C9orf57: variants seen among roughly 807,000 people sequenced by gnomAD.
C9orf57 encodes the protein uncharacterized protein C9orf57.
A neutral mutation model predicts 12.9 loss-of-function variants in C9orf57; 12 were observed. The observed-to-expected ratio is 0.93, with a 90% confidence interval of 0.60 to 1.51. The LOEUF is 1.51. Ranked by LOEUF, C9orf57 falls within the 40% of genes most tolerant of loss-of-function variation. The probability of loss-of-function intolerance (pLI) is 0.00; values close to 1 mark genes in which losing one functional copy is unlikely to be tolerated. For synonymous variants in C9orf57, 49 were observed against 57.1 expected (o/e 0.86, Z 0.64); for missense variants, 141 against 162.8 (o/e 0.87, Z 0.73).
At chr9:72,056,314 ATGTTATATATATATTTT>A (rs1202610555) in intron 3 of C9orf57, 118 bp from the exon 4 acceptor site, 1 of 397,726 alleles carries the variant, frequency 2.5e-6, no homozygotes, top group Non-Finnish European at 3.8e-6. Flanking sequence ...ATATATATTT[ATGTTATATATATATTTT>A]ATGTTATATA....
chr9:72,057,484 C>T (rs1824232986), intron 2 of C9orf57, among the ~76,000 whole-genome samples: 1 of 152,138 alleles, frequency 6.6e-6, no homozygotes, highest in East Asian at 1.9e-4. Context: ...CCTCGGCCTC[C>T]CAGAGTGCTG....
At chr9:72,056,899 A>G in intron 2 of C9orf57, 56 bp from the exon 3 acceptor site, 1 of 1,365,770 alleles carries the variant, frequency 7.3e-7, no homozygotes, top group Non-Finnish European at 1.0e-6. Flanking sequence ...AAATGTATAC[A>G]TATATATGTA....
intron 4 of C9orf57, among the ~76,000 whole-genome samples, chr9:72,053,215 C>T (rs1824116505): frequency 6.6e-6 from 1 of 152,120 alleles, no homozygotes; most frequent in South Asian, 2.1e-4. Context: ...TGCTGCTGTA[C>T]ATCCTACAAT....
rs577103919 is a variant in C9orf57, at chr9:72,052,441, G to A, written c.281-6C>T. On this transcript the variant is annotated splice_polypyrimidine_tract_variant and splice_region_variant and intron_variant, in intron 4 of 4. Coordinates refer to ENST00000651200, the MANE Select transcript of C9orf57 (RefSeq NM_001128618.2). ...TGAATACCATTGAATGCCACCTGAC[G>A]GAGAGAAAAGAGGTAAGGAAATTTC... 2.3e-5 allele frequency: 35 copies of A among 1,550,850 alleles called. No individual in the cohort carries two copies. Among genetic ancestry groups the A allele is most frequent in the Non-Finnish European group, 3.0e-5 (34 of 1,146,508 alleles).
At chr9:72,056,245 G>C (rs978339259) in intron 3 of C9orf57, 49 bp from the exon 4 acceptor site, 2 of 1,483,586 alleles carry the variant, frequency 1.3e-6, no homozygotes, top group African/African-American at 2.8e-5. Context: ...AGATACGAGA[G>C]AGAAAACGAG....
intron 2 of C9orf57, among the ~76,000 whole-genome samples, chr9:72,058,618 C>T (rs934314563): frequency 6.6e-6 from 1 of 152,218 alleles, no homozygotes; most frequent in Admixed American, 6.5e-5. Context: ...ATGATGACCA[C>T]TGCCATGTCA....
intron 4 of C9orf57, 120 bp from the exon 5 acceptor site, chr9:72,052,555 GCATTTCCAC>G: frequency 1.1e-6 from 1 of 886,836 alleles, no homozygotes; most frequent in Non-Finnish European, 1.7e-6. Context: ...TACGAATCTA[GCATTTCCAC>G]CATTAAGAAT....
rs1436554664 is a variant in C9orf57 at position 72,056,206 on chromosome 9, C to T, written c.158-10G>A. The stretch of plus-strand genomic sequence containing the variant: ...ATCAAACCTCCAACATCTCCAAGTA[C>T]AGGGGCAGAAAAATGAGAAAGTAGT... On this transcript the variant is annotated splice_polypyrimidine_tract_variant and intron_variant, in intron 3 of 4. Transcript: ENST00000651200. 1.9e-6 allele frequency: 3 copies of T among 1,543,412 alleles called. No individual in the cohort carries two copies. Among genetic ancestry groups the T allele is most frequent in the Admixed American group, 3.9e-5 (2 of 50,768 alleles).
chr9:72,052,240 A>G lies in C9orf57; in HGVS notation c.*56T>C. Reference sequence around the variant, plus strand: ...CAATAGCCATCATTTTGTGATAGCCAGGTCAGGCTTCGAGACTGATTGATC... The same window carrying G: ...CAATAGCCATCATTTTGTGATAGCCGGGTCAGGCTTCGAGACTGATTGATC... On this transcript the variant is annotated 3_prime_UTR_variant, in exon 5 of 5. Coordinates refer to ENST00000651200, the MANE Select transcript of C9orf57 (RefSeq NM_001128618.2). The G allele has an allele frequency of 6.5e-7, 1 of 1,529,788 alleles. No homozygotes were observed. The highest frequency in any genetic ancestry group is 8.8e-7 in the Non-Finnish European group (1 of 1,134,488). 94.8% of individuals were successfully genotyped at this position (1,529,788 alleles called of 1,614,324 possible). A position where few individuals can be genotyped will look rare whatever the true frequency, so the allele number is the denominator to read the frequency against.
Position 72,056,342 on chromosome 9 carries a change from T to C in C9orf57, c.158-146A>G, listed in dbSNP as rs550301384. 2.4e-5 allele frequency: 8 copies of C among 340,140 alleles called. No homozygotes were observed. In the East Asian group the frequency reaches 5.0e-4, roughly 21 times the overall value. 21.1% of individuals were successfully genotyped at this position (340,140 alleles called of 1,614,324 possible). On this transcript the variant is annotated intron_variant, in intron 3 of 4. Transcript: ENST00000651200. ...TTATATATATATTTTATGTTATATA[T>C]ATTAAATATATATATTTTATTTTTT...
In C9orf57 at chr9:72,060,603, A is replaced by G. The variant is rs1445234360; in HGVS notation, c.-160T>C. The G allele has an allele frequency of 1.3e-6, 2 of 1,509,960 alleles. No individual in the cohort carries two copies. The highest frequency in any genetic ancestry group is 2.8e-5 in the African/African-American group (2 of 71,906). 93.5% of individuals were successfully genotyped at this position (1,509,960 alleles called of 1,614,324 possible). ...TGTGATGAAGTCCGTTACAACTGAA[A>G]GCGACACTCTGATCCACTAGATTCC... On this transcript the variant is annotated 5_prime_UTR_variant, in exon 1 of 5. Coordinates refer to ENST00000651200, the MANE Select transcript of C9orf57 (RefSeq NM_001128618.2).
chr9:72,059,497 A>T, intron 1 of C9orf57, 113 bp from the exon 2 acceptor site: 1 of 1,234,168 alleles, frequency 8.1e-7, no homozygotes, highest in African/African-American at 1.5e-5. Context: ...TTTGTGAAGG[A>T]GGAAAAATAA....
At position 72,055,958 on chromosome 9, in the gene C9orf57, G is replaced by C. The variant is rs1016451879; in HGVS notation, c.280+116C>G. On this transcript the variant is annotated intron_variant, in intron 4 of 4. Transcript: ENST00000651200. ...TCCAGCTCTTTTCATTGTTTTGTTG[G>C]TGTAATGTAGCCCTGGCAAAGCCCT... 1.4e-5 allele frequency: 15 copies of C among 1,059,388 alleles called. No individual in the cohort carries two copies. The African/African-American group carries it at 2.1e-4, about 15-fold the overall frequency. 65.6% of individuals were successfully genotyped at this position (1,059,388 alleles called of 1,614,324 possible).
intron 2 of C9orf57, among the ~76,000 whole-genome samples, chr9:72,058,441 G>A (rs1192371062): frequency 6.6e-6 from 1 of 152,114 alleles, no homozygotes; most frequent in Non-Finnish European, 1.5e-5. Flanking sequence ...GATTACAGGC[G>A]TGAGCCACCG....
At position 72,054,520 on chromosome 9, in the gene C9orf57, C is replaced by T. The variant is rs185124357; in HGVS notation, c.280+1554G>A. On this transcript the variant is annotated intron_variant, in intron 4 of 4. Coordinates refer to ENST00000651200, the MANE Select transcript of C9orf57 (RefSeq NM_001128618.2). ...TGAAAATGTCTGAGCGTTCCCATTTCCCCATACTAACTCCTGATATAATAA... is the reference window on the plus strand; with the variant it reads ...TGAAAATGTCTGAGCGTTCCCATTTTCCCATACTAACTCCTGATATAATAA... Among the ~76,000 whole-genome samples, 451 of 152,280 alleles carry T rather than the reference C, an allele frequency of 3.0e-3. 4 individuals are homozygous for T. Among genetic ancestry groups the T allele is most frequent in the Non-Finnish European group, 3.1e-3 (214 of 68,022 alleles).
rs1824097167 is a variant in C9orf57, at chr9:72,052,302, A to G, written c.414T>C (p.Asn138=). ...TTAGATATGGGCCACTGACTCAGAA[A>G]TTGCACAAAGAATGATTGCAGCAGT... ...TTHCCNHSLC[N]F is the part of the protein sequence containing the mutation. Residue 138 remains asparagine (N), a synonymous_variant, in exon 5 of 5, where the codon AAT becomes AAC. Coordinates refer to ENST00000651200, the MANE Select transcript of C9orf57 (RefSeq NM_001128618.2). The G allele has an allele frequency of 4.5e-6, 7 of 1,551,556 alleles. No homozygotes were observed. Among genetic ancestry groups the G allele is most frequent in the Non-Finnish European group, 5.2e-6 (6 of 1,146,974 alleles).
chr9:72,055,403 T>A (rs1350160636), intron 4 of C9orf57, among the ~76,000 whole-genome samples: 1 of 112,152 alleles, frequency 8.9e-6, no homozygotes, highest in Non-Finnish European at 1.8e-5. Flanking sequence ...CTTCCTTCCT[T>A]CCTTCCTTCC....
chr9:72,053,469 TATACATAGAGTATTTTA>T (rs1289829450), intron 4 of C9orf57, among the ~76,000 whole-genome samples: 2 of 152,208 alleles, frequency 1.3e-5, no homozygotes, highest in Non-Finnish European at 2.9e-5. Context: ...GGCTCTTTCT[TATACATAGAGTATTTTA>T]ATCCTAATTC....
chr9:72,052,068 A>T lies in C9orf57; in HGVS notation c.*228T>A, dbSNP rs1824091850. 2.2e-6 allele frequency: 1 copy of T among 463,002 alleles called. No individual in the cohort carries two copies. Among genetic ancestry groups the T allele is most frequent in the Non-Finnish European group, 3.8e-6 (1 of 262,150 alleles). The allele number at this position is 463,002 out of a possible 1,614,324, so 28.7% of individuals were successfully genotyped here. ...AAGGTAAATTAAGCAGAAGGAGGAG[A>T]GGAGAGAAATGGTGTTGAAAGGGCT... On this transcript the variant is annotated 3_prime_UTR_variant, in exon 5 of 5. Coordinates refer to ENST00000651200, the MANE Select transcript of C9orf57 (RefSeq NM_001128618.2).
Sources: gnomAD v4.1 joint callset for allele counts (sites outside exome capture counted in the v4.1 genomes callset) on GRCh38, gnomAD v4.1.1 for gene constraint, MANE v1.5 for transcripts, NCBI Gene and HGNC (gene_info 2026-07-23, HGNC 2026-07-21) for gene names.